KIAA2012: variants seen among roughly 807,000 people sequenced by gnomAD.
The protein encoded by KIAA2012 is KIAA2012.
Under a neutral mutation model 150.6 loss-of-function variants are expected in KIAA2012, and 125 were observed. That is an observed-to-expected ratio of 0.83 (90% confidence interval 0.72 to 0.96). The LOEUF (loss-of-function observed/expected upper bound fraction) is 0.96, where lower values mean the gene tolerates loss of function less well. Among genes scored for constraint, KIAA2012 ranks in the 40% least tolerant of loss-of-function variants. The probability of loss-of-function intolerance (pLI) is 0.00; values close to 1 mark genes in which losing one functional copy is unlikely to be tolerated. For synonymous variants in KIAA2012, 462 were observed against 504.7 expected (o/e 0.92, Z 1.13); for missense variants, 1,219 against 1,354.9 (o/e 0.90, Z 1.57).
intron 13 of KIAA2012, among the ~76,000 whole-genome samples, chr2:202,144,641 T>C (rs1444302681): frequency 4.6e-5 from 7 of 152,106 alleles, no homozygotes; most frequent in Admixed American, 2.6e-4. Flanking sequence ...AAGGCTGTTA[T>C]CTGCCTTTGT....
chr2:202,128,140 C>A (rs982109105), intron 12 of KIAA2012, among the ~76,000 whole-genome samples: 1 of 152,112 alleles, frequency 6.6e-6, no homozygotes, highest in Non-Finnish European at 1.5e-5. Context: ...CCCTCCCTGC[C>A]GATGGGGTGA....
chr2:202,171,655 G>A (rs918099905), intron 15 of KIAA2012, among the ~76,000 whole-genome samples: 2 of 152,104 alleles, frequency 1.3e-5, no homozygotes, highest in Admixed American at 1.3e-4. Context: ...TCCATCCCGA[G>A]ATGGAGACTG....
chr2:202,197,582 G>A (rs551296016), intron 22 of KIAA2012: 77 of 155,640 alleles, frequency 4.9e-4, no homozygotes, highest in Non-Finnish European at 9.0e-4. Context: ...ATAGGACACC[G>A]GGCACAGTGG....
chr2:202,180,810 G>A (rs749808297), intron 15 of KIAA2012, among the ~76,000 whole-genome samples: 21 of 152,210 alleles, frequency 1.4e-4, no homozygotes, highest in Non-Finnish European at 2.6e-4. Flanking sequence ...GGGCGACAGA[G>A]CGAGACTGTC....
chr2:202,180,033 A>T, intron 15 of KIAA2012: 1 of 450,198 alleles, frequency 2.2e-6, no homozygotes, highest in Non-Finnish European at 4.4e-6. Flanking sequence ...GCACTTTGGG[A>T]GGCTAAGGTG....
intron 22 of KIAA2012, among the ~76,000 whole-genome samples, chr2:202,199,057 C>T (rs1692464904): frequency 6.6e-6 from 1 of 152,122 alleles, no homozygotes; most frequent in African/African-American, 2.4e-5. Flanking sequence ...TCCAACTTTC[C>T]ACACGAGAAG....
intron 12 of KIAA2012, among the ~76,000 whole-genome samples, chr2:202,134,618 G>A (rs1307352849): frequency 6.6e-6 from 1 of 152,172 alleles, no homozygotes; most frequent in African/African-American, 2.4e-5. Flanking sequence ...GCAATGGCAC[G>A]ATCTTAGCTC....
intron 13 of KIAA2012, among the ~76,000 whole-genome samples, chr2:202,142,982 C>T (rs1691222315): frequency 1.3e-5 from 2 of 150,844 alleles, no homozygotes; most frequent in South Asian, 4.2e-4. Context: ...AGTAGCACAA[C>T]CCTCCCCAGT....
At chr2:202,083,003 C>T (rs1332885453) in intron 2 of KIAA2012, among the ~76,000 whole-genome samples, 1 of 152,184 alleles carries the variant, frequency 6.6e-6, no homozygotes, top group East Asian at 1.9e-4. Flanking sequence ...AGATTGAGCT[C>T]TCGTAGGACC....
At chr2:202,177,269 G>A (rs1692011035) in intron 15 of KIAA2012, among the ~76,000 whole-genome samples, 2 of 152,120 alleles carry the variant, frequency 1.3e-5, no homozygotes, top group African/African-American at 4.8e-5. Flanking sequence ...GTTTACATGT[G>A]CATGTATATG....
chr2:202,106,113 G>A, intron 9 of KIAA2012: 1 of 1,421,632 alleles, frequency 7.0e-7, no homozygotes. Flanking sequence ...CAGCTCACCA[G>A]TTACTTACTC....
intron 2 of KIAA2012, among the ~76,000 whole-genome samples, chr2:202,082,038 A>G (rs564316839): frequency 1.3e-5 from 2 of 152,204 alleles, no homozygotes; most frequent in East Asian, 3.9e-4. Flanking sequence ...GTGGAATCTC[A>G]TTGTGGGTTT....
chr2:202,085,681 C>T (rs1689550310), intron 2 of KIAA2012, among the ~76,000 whole-genome samples: 1 of 152,142 alleles, frequency 6.6e-6, no homozygotes, highest in Admixed American at 6.5e-5. Flanking sequence ...TTGTTTAAAC[C>T]ACTAAATGTA....
intron 13 of KIAA2012, among the ~76,000 whole-genome samples, chr2:202,140,893 C>T (rs1465379735): frequency 6.6e-6 from 1 of 152,060 alleles, no homozygotes; most frequent in Non-Finnish European, 1.5e-5. Flanking sequence ...CCCTCCCTTC[C>T]TTGGGATCTG....
chr2:202,100,185 C>T (rs1690004675), intron 6 of KIAA2012, 122 bp from the exon 7 acceptor site: 3 of 1,068,960 alleles, frequency 2.8e-6, no homozygotes, highest in South Asian at 1.7e-5. Flanking sequence ...AGGGCTGTCC[C>T]AGTGCCCCAG....
At chr2:202,122,851 G>A (rs934387720) in intron 11 of KIAA2012, among the ~76,000 whole-genome samples, 5 of 152,200 alleles carry the variant, frequency 3.3e-5, no homozygotes, top group Admixed American at 6.5e-5. Context: ...AGGTTGTTTC[G>A]GAAAGGGGGG....
At chr2:202,119,164 C>T (rs562169178) in intron 11 of KIAA2012, among the ~76,000 whole-genome samples, 50 of 151,958 alleles carry the variant, frequency 3.3e-4, no homozygotes, top group Non-Finnish European at 5.4e-4. Context: ...CCCAGCTACT[C>T]GGGAGGCTGA....
intron 12 of KIAA2012, among the ~76,000 whole-genome samples, chr2:202,130,189 A>AC (rs1690898996): frequency 6.6e-6 from 1 of 152,052 alleles, no homozygotes; most frequent in Admixed American, 6.5e-5. Flanking sequence ...TTAATAAATC[A>AC]CTCTAAGCCT....
At chr2:202,185,355 C>T (rs895932565) in intron 16 of KIAA2012, among the ~76,000 whole-genome samples, 4 of 152,310 alleles carry the variant, frequency 2.6e-5, no homozygotes, top group Middle Eastern at 3.4e-3. Context: ...GTAGTGGCAG[C>T]TGGCGTGGCC....
Sources: allele counts gnomAD v4.1 joint callset (sites outside exome capture counted in the v4.1 genomes callset), GRCh38; gene constraint gnomAD v4.1.1; transcripts MANE v1.5; gene names NCBI Gene and HGNC (gene_info 2026-07-23, HGNC 2026-07-21).